GALNTL6: variants seen among roughly 807,000 people sequenced by gnomAD.
GALNTL6 encodes the protein polypeptide N-acetylgalactosaminyltransferase like 6.
GALNTL6 carries 46 observed loss-of-function variants against 73.7 expected under a neutral mutation model. The observed-to-expected ratio is 0.62, with a 90% CI of 0.49 to 0.80. The LOEUF is 0.80. GALNTL6 is among the 30% of genes least tolerant of loss of function. The pLI is 0.00. For missense variants in GALNTL6, 604 were observed against 755.0 expected (o/e 0.80, Z 2.34); for synonymous variants, 259 against 263.7 (o/e 0.98, Z 0.17).
Position 172,825,078 on chromosome 4 carries a change from TTTTCTTTCTTTCTTTCTTTCTTTC to T in GALNTL6, c.923+11386_923+11409del, listed in dbSNP as rs70944424. Among the ~76,000 whole-genome samples, 997 of 105,620 alleles carry T rather than the reference TTTTCTTTCTTTCTTTCTTTCTTTC, an allele frequency of 9.4e-3. 23 individuals are homozygous for T. Among genetic ancestry groups the T allele is most frequent in the African/African-American group, 0.031 (886 of 28,326 alleles). 69.3% of individuals were successfully genotyped at this position (105,620 alleles called of 152,430 possible). A position where few individuals can be genotyped will look rare whatever the true frequency, so the allele number is the denominator to read the frequency against. ...TTTCTTTTTTTTTTTTTTGGTTATC[TTTTCTTTCTTTCTTTCTTTCTTTC>T]TTTCTTTCTTTCTTTCTTTCTTTCT... On this transcript the variant is annotated intron_variant, in intron 7 of 12. Coordinates refer to ENST00000506823, the MANE Select transcript of GALNTL6 (RefSeq NM_001034845.3).
rs1211330526 is a variant in GALNTL6 at position 172,669,817 on chromosome 4, C to T, written c.554-139544C>T. 3.9e-5 allele frequency among the ~76,000 whole-genome samples: 6 copies of T among 152,276 alleles called. 1 individual carries two copies. The Middle Eastern group carries it at 0.014, about 345-fold the overall frequency. ...TATTTTTCCTTCTCGTTTTCCTCCT[C>T]CCACACTGTACCCTCCAATAAGACC... On this transcript the variant is annotated intron_variant, in intron 5 of 12. Coordinates refer to ENST00000506823, the MANE Select transcript of GALNTL6 (RefSeq NM_001034845.3).
intron 5 of GALNTL6, among the ~76,000 whole-genome samples, chr4:172,561,375 C>A (rs984986877): frequency 2.2e-4 from 33 of 151,814 alleles, no homozygotes; most frequent in Non-Finnish European, 3.5e-4. Flanking sequence ...CTAATCCTTA[C>A]CCCCTGTTCT....
chr4:173,040,008 A>G lies in GALNTL6; in HGVS notation c.1714A>G (p.Arg572Gly). The change falls in exon 13 of 13, where the codon AGA becomes GGA. Residue 572 changes from arginine to glycine, a missense_variant. Physicochemically the swap from Arg to Gly is moderately radical, Grantham distance 125. Transcript: ENST00000506823. Reference sequence around the variant, plus strand: ...CGCAGAGAAGAAGATTTTCATGGCCAGATGTGACCCTCTCTCTGAGACTCA... The same window carrying G: ...CGCAGAGAAGAAGATTTTCATGGCCGGATGTGACCCTCTCTCTGAGACTCA... ...NPAEKKIFMARCDPLSETQQW... is the reference protein window; with the variant it reads ...NPAEKKIFMAGCDPLSETQQW... 6.2e-7 allele frequency: 1 copy of G among 1,613,604 alleles called. No individual in the cohort carries two copies. The highest frequency in any genetic ancestry group is 8.5e-7 in the Non-Finnish European group (1 of 1,179,496).
intron 2 of GALNTL6, among the ~76,000 whole-genome samples, chr4:172,097,959 C>A (rs917479732): frequency 9.2e-5 from 14 of 151,586 alleles, no homozygotes; most frequent in South Asian, 2.1e-4. Flanking sequence ...CCACAGAAAG[C>A]TGGAAGGTTT....
intron 2 of GALNTL6, among the ~76,000 whole-genome samples, chr4:172,000,188 TA>T (rs1192046276): frequency 1.3e-5 from 2 of 152,152 alleles, no homozygotes; most frequent in Non-Finnish European, 2.9e-5. Context: ...AGAATTTTGT[TA>T]AATGCTCAAT....
At chr4:172,268,516 C>T (rs973165640) in intron 3 of GALNTL6, among the ~76,000 whole-genome samples, 2 of 152,154 alleles carry the variant, frequency 1.3e-5, no homozygotes, top group Non-Finnish European at 2.9e-5. Context: ...GACTCTTGAC[C>T]TGGGCAAAGC....
At position 172,037,771 on chromosome 4, in the gene GALNTL6, T is replaced by C. The variant is rs28452096; in HGVS notation, c.139-191885T>C. 8.9e-3 allele frequency among the ~76,000 whole-genome samples: 1,362 copies of C among 152,284 alleles called. 24 individuals are homozygous for C. Among genetic ancestry groups the C allele is most frequent in the African/African-American group, 0.03 (1,267 of 41,566 alleles). On this transcript the variant is annotated intron_variant, in intron 2 of 12. Transcript: ENST00000506823. ...ATCCACACTATTACTGCCCATTCAA[T>C]TCTCAAAATTAGTTTGTTTCTGAAA...
At chr4:172,450,551 C>T (rs933079538) in intron 5 of GALNTL6, among the ~76,000 whole-genome samples, 1 of 152,200 alleles carries the variant, frequency 6.6e-6, no homozygotes, top group African/African-American at 2.4e-5. Context: ...TAAAAGCATA[C>T]ACCAGCATAT....
chr4:171,903,585 C>A (rs1407728064), intron 2 of GALNTL6, among the ~76,000 whole-genome samples: 2 of 135,488 alleles, frequency 1.5e-5, no homozygotes, highest in African/African-American at 3.3e-5. Flanking sequence ...CCGCCATTGT[C>A]CAGGCTTGAT....
chr4:172,589,294 A>C (rs1357051723), intron 5 of GALNTL6, among the ~76,000 whole-genome samples: 1 of 152,222 alleles, frequency 6.6e-6, no homozygotes, highest in African/African-American at 2.4e-5. Context: ...TTAGAAAAAC[A>C]TGTTTTCACT....
At chr4:171,946,565 C>T (rs775788877) in intron 2 of GALNTL6, among the ~76,000 whole-genome samples, 2 of 152,118 alleles carry the variant, frequency 1.3e-5, no homozygotes, top group African/African-American at 2.4e-5. Context: ...TCATCGAGCT[C>T]GTCTTCTCAT....
rs546493721 is a variant in GALNTL6 at position 172,309,543 on chromosome 4, TATTA to T, written c.248-2066_248-2063del. Among the ~76,000 whole-genome samples, 547 of 152,162 alleles carry T rather than the reference TATTA, an allele frequency of 3.6e-3. 3 individuals are homozygous for T. Among genetic ancestry groups the T allele is most frequent in the Non-Finnish European group, 6.1e-3 (417 of 67,942 alleles). ...TCAAGCACATACACACACAAATACA[TATTA>T]ATTACTCAGCTTAATTCTGTAATAC... On this transcript the variant is annotated intron_variant, in intron 3 of 12. Transcript: ENST00000506823.
intron 5 of GALNTL6, among the ~76,000 whole-genome samples, chr4:172,437,558 G>A (rs967353134): frequency 5.9e-5 from 9 of 152,126 alleles, no homozygotes; most frequent in Non-Finnish European, 8.8e-5. Flanking sequence ...CAGTCTTCTT[G>A]TCCTATTAGC....
intron 5 of GALNTL6, among the ~76,000 whole-genome samples, chr4:172,690,165 GATTTA>G (rs1168078503): frequency 2.6e-5 from 4 of 152,070 alleles, no homozygotes; most frequent in South Asian, 2.1e-4. Flanking sequence ...CAATTCCATG[GATTTA>G]ATTTATTTCA....
Position 172,837,428 on chromosome 4 carries a change from GAA to G in GALNTL6, c.923+23713_923+23714del, listed in dbSNP as rs547701893. Among the ~76,000 whole-genome samples, 187 of 148,140 alleles carry G rather than the reference GAA, an allele frequency of 1.3e-3. 1 individual carries two copies. The highest frequency in any genetic ancestry group is 4.0e-3 in the African/African-American group (160 of 40,348). On this transcript the variant is annotated intron_variant, in intron 7 of 12. Coordinates refer to ENST00000506823, the MANE Select transcript of GALNTL6 (RefSeq NM_001034845.3). ...TACTGTTTTACCCAAAAATTCAAATGAAAAAAAAATATGAAAGAAGGTAAAAA... is the reference window on the plus strand; with the variant it reads ...TACTGTTTTACCCAAAAATTCAAATGAAAAAAATATGAAAGAAGGTAAAAA...
chr4:172,695,939 C>T (rs915782238), intron 5 of GALNTL6, among the ~76,000 whole-genome samples: 23 of 151,540 alleles, frequency 1.5e-4, no homozygotes, highest in Admixed American at 2.0e-4. Flanking sequence ...GGCAACAGAG[C>T]GAGACTCTGT....
intron 5 of GALNTL6, among the ~76,000 whole-genome samples, chr4:172,544,312 C>T (rs1735675835): frequency 6.6e-6 from 1 of 152,140 alleles, no homozygotes; most frequent in South Asian, 2.1e-4. Flanking sequence ...CATGATTTTA[C>T]TTACACAAGA....
intron 5 of GALNTL6, among the ~76,000 whole-genome samples, chr4:172,616,206 T>C (rs1216780580): frequency 6.6e-6 from 1 of 152,160 alleles, no homozygotes; most frequent in South Asian, 2.1e-4. Context: ...ATTTCAAAAA[T>C]GAGATCTACT....
intron 5 of GALNTL6, among the ~76,000 whole-genome samples, chr4:172,769,271 T>TA (rs1041519198): frequency 1.5e-4 from 23 of 151,954 alleles, no homozygotes; most frequent in Non-Finnish European, 2.6e-4. Context: ...CTTGAGGTTT[T>TA]AAAAAAAAGA....
Sources: gnomAD v4.1 joint callset for allele counts (sites outside exome capture counted in the v4.1 genomes callset) on GRCh38, gnomAD v4.1.1 for gene constraint, MANE v1.5 for transcripts, NCBI Gene and HGNC (gene_info 2026-07-23, HGNC 2026-07-21) for gene names.